Variants in MBD5 observed in about 807,000 individuals in gnomAD.
The protein encoded by MBD5 is methyl-CpG binding domain protein 5.
A neutral mutation model predicts 117.3 loss-of-function variants in MBD5; 13 were observed. The observed-to-expected ratio is 0.11, with a 90% CI of 0.07 to 0.18. MBD5 has a LOEUF of 0.18. Among genes scored for constraint, MBD5 ranks in the 10% least tolerant of loss-of-function variants. The pLI, the probability that MBD5 is intolerant of heterozygous loss-of-function variation, is 1.00. For synonymous variants in MBD5, 727 were observed against 766.4 expected, an observed-to-expected ratio of 0.95 and a Z score of 0.85; for missense variants, 1,879 against 2,093.8, an observed-to-expected ratio of 0.90 and a Z score of 2.00.
intron 1 of MBD5, among the ~76,000 whole-genome samples, chr2:148,092,411 C>T (rs1695966881): frequency 2.6e-5 from 4 of 152,126 alleles, no homozygotes; most frequent in Admixed American, 1.3e-4. Flanking sequence ...AAGAACCAGC[C>T]TAAATGTCCA....
At chr2:148,353,162 T>C (rs1202439759) in intron 4 of MBD5, among the ~76,000 whole-genome samples, 2 of 152,160 alleles carry the variant, frequency 1.3e-5, no homozygotes, top group Non-Finnish European at 2.9e-5. Flanking sequence ...AAGGTTCTGC[T>C]TTTAACATGA....
At chr2:148,110,134 A>G (rs1696472799) in intron 1 of MBD5, among the ~76,000 whole-genome samples, 1 of 152,196 alleles carries the variant, frequency 6.6e-6, no homozygotes, top group Non-Finnish European at 1.5e-5. Flanking sequence ...TTGTTGCTCC[A>G]CAAAAGTTAT....
chr2:148,396,428 T>C lies in MBD5; in HGVS notation c.-557+54092T>C, dbSNP rs565766880. Among the ~76,000 whole-genome samples, 3 of 152,044 alleles carry C rather than the reference T, an allele frequency of 2.0e-5. No homozygotes were observed. The South Asian group carries it at 6.3e-4, about 32-fold the overall frequency. Reference sequence around the variant, plus strand: ...TTCCACAAATGTTCCACTCCCTTGATTTCCATGAATCTACACTTTCACAGT... The same window carrying C: ...TTCCACAAATGTTCCACTCCCTTGACTTCCATGAATCTACACTTTCACAGT... On this transcript the variant is annotated intron_variant, in intron 4 of 13. Coordinates refer to ENST00000642680, the MANE Select transcript of MBD5 (RefSeq NM_001378120.1).
intron 1 of MBD5, among the ~76,000 whole-genome samples, chr2:148,091,849 G>A (rs6430287): frequency 0.45 from 67,521 of 151,488 alleles, 15,079 homozygotes; most frequent in South Asian, 0.51. Context: ...CTGCACAGCA[G>A]AAGAAGTAAT....
At chr2:148,128,690 C>T (rs1696961413) in intron 1 of MBD5, among the ~76,000 whole-genome samples, 1 of 152,082 alleles carries the variant, frequency 6.6e-6, no homozygotes, top group African/African-American at 2.4e-5. Context: ...CAATATATGC[C>T]TTACTCAAGA....
chr2:148,334,825 C>G (rs1465846027), intron 3 of MBD5, among the ~76,000 whole-genome samples: 1 of 152,012 alleles, frequency 6.6e-6, no homozygotes, highest in East Asian at 1.9e-4. Flanking sequence ...TTTTGAAATG[C>G]CAATATCTAT....
At chr2:148,227,138 T>C (rs1258121588) in intron 2 of MBD5, among the ~76,000 whole-genome samples, 3 of 152,228 alleles carry the variant, frequency 2.0e-5, no homozygotes, top group Admixed American at 1.3e-4. Context: ...TTTGTCAATT[T>C]TGGCTTTTGT....
chr2:148,288,625 A>G (rs1195080646), intron 3 of MBD5, among the ~76,000 whole-genome samples: 1 of 151,950 alleles, frequency 6.6e-6, no homozygotes, highest in Non-Finnish European at 1.5e-5. Context: ...AATACATACC[A>G]AGGGAAAAAA....
chr2:148,043,452 C>CAAATAAATAAAT (rs137863555), intron 1 of MBD5, among the ~76,000 whole-genome samples: 32,787 of 142,704 alleles, frequency 0.23, 4,000 homozygotes, highest in Middle Eastern at 0.38. Context: ...GACTCCTTCT[C>CAAATAAATAAAT]AAATAAATAA....
At chr2:148,433,081 A>G (rs796606504) in intron 4 of MBD5, among the ~76,000 whole-genome samples, 7 of 152,160 alleles carry the variant, frequency 4.6e-5, no homozygotes, top group African/African-American at 1.7e-4. Context: ...GATCTTTCAC[A>G]TCCCTGGTTA....
intron 12 of MBD5, among the ~76,000 whole-genome samples, chr2:148,508,216 T>G (rs535293216): frequency 6.6e-6 from 1 of 152,212 alleles, no homozygotes; most frequent in African/African-American, 2.4e-5. Flanking sequence ...TGAGACTGAC[T>G]CCATGAGATG....
intron 10 of MBD5, among the ~76,000 whole-genome samples, chr2:148,487,198 A>G (rs1681365920): frequency 6.6e-6 from 1 of 152,200 alleles, no homozygotes; most frequent in Non-Finnish European, 1.5e-5. Flanking sequence ...TAAATCTGGA[A>G]GCTGTAAATA....
At chr2:148,476,616 A>G (rs1680973055) in intron 8 of MBD5, among the ~76,000 whole-genome samples, 1 of 152,178 alleles carries the variant, frequency 6.6e-6, no homozygotes, top group African/African-American at 2.4e-5. Flanking sequence ...TTCATTTATC[A>G]AAAATATACT....
At chr2:148,257,598 T>C (rs191515412) in intron 3 of MBD5, among the ~76,000 whole-genome samples, 2 of 152,308 alleles carry the variant, frequency 1.3e-5, no homozygotes, top group African/African-American at 4.8e-5. Flanking sequence ...ACAAGAGGGA[T>C]GCCACCACTT....
intron 4 of MBD5, among the ~76,000 whole-genome samples, chr2:148,354,420 C>T (rs1327597069): frequency 2.0e-5 from 3 of 152,158 alleles, no homozygotes; most frequent in African/African-American, 7.2e-5. Flanking sequence ...CCAGCTTCAT[C>T]CATGTCCCTG....
Position 148,469,877 on chromosome 2 carries a change from G to A in MBD5, c.1934G>A (p.Arg645Lys). ...GGGCAAAGTGGTCGAGCAGCACTAA[G>A]AGATAAGCTGATGTCTCAGCAAAAA... ...GEGQSGRAAL[R>K]DKLMSQQKDA... The change falls in exon 8 of 14, where the codon AGA becomes AAA. Residue 645 changes from arginine (R) to lysine (K), a missense_variant. Arg to Lys is a conservative substitution (Grantham distance 26). This residue lies in a region of MBD5 where 1,666 missense variants were observed against 1,792.2 expected (regional missense o/e 0.93). Coordinates refer to ENST00000642680, the MANE Select transcript of MBD5 (RefSeq NM_001378120.1). 6.2e-7 allele frequency: 1 copy of A among 1,613,968 alleles called. No individual in the cohort carries two copies. Among genetic ancestry groups the A allele is most frequent in the Non-Finnish European group, 8.5e-7 (1 of 1,179,928 alleles).
At chr2:148,315,247 T>C (rs1433088882) in intron 3 of MBD5, among the ~76,000 whole-genome samples, 1 of 152,116 alleles carries the variant, frequency 6.6e-6, no homozygotes, top group Non-Finnish European at 1.5e-5. Context: ...CTTGCTGAAA[T>C]CCCTCTTACG....
intron 1 of MBD5, among the ~76,000 whole-genome samples, chr2:148,155,788 G>T (rs1697858566): frequency 6.6e-6 from 1 of 152,164 alleles, no homozygotes; most frequent in Admixed American, 6.5e-5. Context: ...CATAGTAACT[G>T]GTTTATAGAG....
At chr2:148,417,741 C>T (rs966582995) in intron 4 of MBD5, among the ~76,000 whole-genome samples, 17 of 151,640 alleles carry the variant, frequency 1.1e-4, no homozygotes, top group South Asian at 6.2e-4. Flanking sequence ...TATGTTTTTT[C>T]GCCATTTGTA....
Sources: allele counts gnomAD v4.1 joint callset (sites outside exome capture counted in the v4.1 genomes callset), GRCh38; gene constraint gnomAD v4.1.1; regional missense constraint gnomAD v4.1.1; transcripts MANE v1.5; gene names NCBI Gene and HGNC (gene_info 2026-07-23, HGNC 2026-07-21).